The following ZNF638 variants were observed in gnomAD, a reference collection of about 807,000 sequenced individuals.
The protein encoded by ZNF638 is zinc finger protein 638, also known as CTCL tumor antigen se33-1.
ZNF638 carries 46 observed loss-of-function variants against 195.6 expected under a neutral mutation model. The observed-to-expected ratio is 0.24, with a 90% CI of 0.19 to 0.30. The LOEUF is 0.30. ZNF638 is among the 10% of genes least tolerant of loss of function. The probability of loss-of-function intolerance (pLI) is 1.00; values close to 1 mark genes in which losing one functional copy is unlikely to be tolerated. For missense variants in ZNF638, 2,440 were observed against 2,325.3 expected (o/e 1.05, Z -1.01); for synonymous variants, 845 against 772.0 (o/e 1.09, Z -1.57).
intron 20 of ZNF638, 46 bp from the exon 21 acceptor site, chr2:71,418,556 C>A: frequency 7.8e-7 from 1 of 1,289,440 alleles, no homozygotes; most frequent in South Asian, 1.8e-5. Flanking sequence ...TTAAATATTT[C>A]AAATCCAGTG....
At chr2:71,351,813 A>G (rs1163262418) in intron 2 of ZNF638, among the ~76,000 whole-genome samples, 9 of 152,184 alleles carry the variant, frequency 5.9e-5, no homozygotes. Flanking sequence ...CAAGACATTT[A>G]AAACAATTAG....
rs766220553 is a variant in ZNF638, at chr2:71,351,213, G to A, written c.1317+942G>A. 4.6e-5 allele frequency among the ~76,000 whole-genome samples: 7 copies of A among 152,132 alleles called. No individual in the cohort carries two copies. The South Asian group carries it at 8.3e-4, about 18-fold the overall frequency. ...TATACTTAGGCTTAAAAATCTGTGT[G>A]TTAACGCTCTTGTTCTTTTCTTCCA... On this transcript the variant is annotated intron_variant, in intron 2 of 27. Coordinates refer to ENST00000264447, the MANE Select transcript of ZNF638 (RefSeq NM_014497.5).
chr2:71,386,942 G>A (rs1196581807), intron 10 of ZNF638, among the ~76,000 whole-genome samples: 1 of 151,610 alleles, frequency 6.6e-6, no homozygotes, highest in African/African-American at 2.4e-5. Flanking sequence ...CCACCTCCCA[G>A]GTTCAAGTGC....
chr2:71,357,254 G>T (rs1041698654), intron 3 of ZNF638, among the ~76,000 whole-genome samples: 1 of 152,108 alleles, frequency 6.6e-6, no homozygotes, highest in East Asian at 1.9e-4. Context: ...AGTGGCTGTG[G>T]GAATAGGGTA....
intron 8 of ZNF638, chr2:71,375,905 A>T (rs2079413618): frequency 6.6e-6 from 1 of 152,202 alleles, no homozygotes; most frequent in Non-Finnish European, 1.5e-5. Flanking sequence ...TTGAAAACAG[A>T]AAGGAATAGT....
At position 71,349,907 on chromosome 2, in the gene ZNF638, CAGTT is replaced by C. The variant is rs757019407; in HGVS notation, c.956_959del (p.Val319AlafsTer4). ...TCCGTCAACCAATCCATTAACCAAA[CAGTT>C]AGCCAGACAATGAGTCAATCTCTGA... On this transcript the variant is annotated frameshift_variant, in exon 2 of 28. Coordinates refer to ENST00000264447, the MANE Select transcript of ZNF638 (RefSeq NM_014497.5). LOFTEE classifies it high-confidence loss of function. The C allele has an allele frequency of 2.5e-6, 4 of 1,614,112 alleles. No homozygotes were observed. Among genetic ancestry groups the C allele is most frequent in the African/African-American group, 1.3e-5 (1 of 74,942 alleles).
In ZNF638 at chr2:71,406,129, C is replaced by G; in HGVS notation, c.3002C>G (p.Ala1001Gly). 6.2e-7 allele frequency: 1 copy of G among 1,613,144 alleles called. No homozygotes were observed. The highest frequency in any genetic ancestry group is 8.5e-7 in the Non-Finnish European group (1 of 1,179,442). Residue 1001 changes from alanine to glycine, a missense_variant and splice_region_variant, in exon 19 of 28, where the codon GCA becomes GGA. Ala to Gly is a moderately conservative substitution (Grantham distance 60). This residue lies in a region of ZNF638 where 1,883 missense variants were observed against 1,739.1 expected (regional missense o/e 1.08). Coordinates refer to ENST00000264447, the MANE Select transcript of ZNF638 (RefSeq NM_014497.5). The stretch of plus-strand genomic sequence containing the variant: ...GTGCTGTCTCTTAAAAAACTACAGG[C>G]AAACATAGATACAATTTATGATCGA... ...ITLVKENDPEANIDTIYDRFV... is the reference protein window; with the variant it reads ...ITLVKENDPEGNIDTIYDRFV...
chr2:71,381,220 GACAAATTTA>G (rs1268904208), intron 10 of ZNF638, among the ~76,000 whole-genome samples: 4 of 152,090 alleles, frequency 2.6e-5, no homozygotes, highest in African/African-American at 9.7e-5. Flanking sequence ...ATAAGGCAGA[GACAAATTTA>G]GGAACTTACA....
rs780581680 is a variant in ZNF638 at position 71,396,157 on chromosome 2, C to T, written c.2394C>T (p.Ala798=). 42 of 1,613,248 alleles carry T rather than the reference C, an allele frequency of 2.6e-5. No individual in the cohort carries two copies. The African/African-American group carries it at 5.2e-4, about 20-fold the overall frequency. ...TTGTTTTAGCCAAAACTGGACAAGC[C>T]AAGGCATCTGTAGCCAAAGTAAACA... is the stretch of plus-strand genomic sequence containing the variant. The part of the protein sequence containing the change: ...TSTSAAKTGQ[A]KASVAKVNKS... Residue 798 remains alanine, a synonymous_variant, in exon 11 of 28, where the codon GCC becomes GCT. Coordinates refer to ENST00000264447, the MANE Select transcript of ZNF638 (RefSeq NM_014497.5).
At chr2:71,431,633 G>C (rs181393010) in intron 26 of ZNF638, among the ~76,000 whole-genome samples, 2 of 152,024 alleles carry the variant, frequency 1.3e-5, no homozygotes, top group Admixed American at 6.5e-5. Context: ...GGTGGCGGGC[G>C]CCTGTAGTCC....
intron 6 of ZNF638, among the ~76,000 whole-genome samples, chr2:71,367,596 C>T (rs1213502393): frequency 1.3e-5 from 2 of 151,848 alleles, no homozygotes; most frequent in East Asian, 1.9e-4. Flanking sequence ...TGTGCCACCA[C>T]GCCTGGCTAA....
At chr2:71,406,298 G>A (rs2152580378) in intron 19 of ZNF638, 36 bp downstream of exon 19, 1 of 1,566,610 alleles carries the variant, frequency 6.4e-7, no homozygotes, top group East Asian at 2.2e-5. Context: ...TATTCATTCT[G>A]TAAAGAATGT....
At chr2:71,392,681 C>A (rs1018667631) in intron 10 of ZNF638, among the ~76,000 whole-genome samples, 1 of 152,074 alleles carries the variant, frequency 6.6e-6, no homozygotes, top group African/African-American at 2.4e-5. Flanking sequence ...GCCACCCAGT[C>A]GCTTCAGTTT....
At chr2:71,372,485 C>G (rs1051147873) in intron 8 of ZNF638, among the ~76,000 whole-genome samples, 1 of 152,156 alleles carries the variant, frequency 6.6e-6, no homozygotes, top group African/African-American at 2.4e-5. Flanking sequence ...CTAAAGTGCA[C>G]AGACTCTGTC....
chr2:71,350,322 T>C, intron 2 of ZNF638, 51 bp downstream of exon 2: 3 of 1,531,210 alleles, frequency 2.0e-6, no homozygotes, highest in Non-Finnish European at 2.6e-6. Flanking sequence ...AGCGCCAGTT[T>C]TCTCTAAATT....
intron 18 of ZNF638, 86 bp downstream of exon 18, chr2:71,405,728 C>A: frequency 1.0e-6 from 1 of 978,392 alleles, no homozygotes; most frequent in Non-Finnish European, 1.5e-6. Flanking sequence ...GAATTAAAAC[C>A]TTAGAACTAA....
intron 7 of ZNF638, 122 bp from the exon 8 acceptor site, chr2:71,369,761 C>A: frequency 2.1e-6 from 2 of 953,010 alleles, no homozygotes; most frequent in Non-Finnish European, 3.0e-6. Flanking sequence ...CAGGCAAAAG[C>A]AACCATGACT....
chr2:71,397,604 C>T (rs947628964), intron 11 of ZNF638, among the ~76,000 whole-genome samples: 13 of 152,158 alleles, frequency 8.5e-5, no homozygotes, highest in African/African-American at 3.1e-4. Context: ...CAAATCTGTT[C>T]GTGCCCCAAA....
chr2:71,334,006 G>C (rs2078619329), intron 1 of ZNF638, among the ~76,000 whole-genome samples: 2 of 152,182 alleles, frequency 1.3e-5, no homozygotes, highest in Non-Finnish European at 2.9e-5. Context: ...TTTTGGAGTT[G>C]AAAGGCCCTC....
Sources: allele counts gnomAD v4.1 joint callset (sites outside exome capture counted in the v4.1 genomes callset), GRCh38; gene constraint gnomAD v4.1.1; regional missense constraint gnomAD v4.1.1; transcripts MANE v1.5; gene names NCBI Gene and HGNC (gene_info 2026-07-23, HGNC 2026-07-21).